GSK3B: variants seen among roughly 807,000 people sequenced by gnomAD.
GSK3B encodes the protein glycogen synthase kinase 3 beta.
In GSK3B, 15 loss-of-function variants were observed where a neutral mutation model predicts 56.4. The ratio of observed to expected loss-of-function variants is 0.27; its 90% confidence interval spans 0.18 to 0.41. The LOEUF is 0.41. Ranked by LOEUF, GSK3B falls within the 10% of genes least tolerant of loss-of-function variation. GSK3B has a pLI of 1.00. For synonymous variants in GSK3B, 181 were observed against 188.9 expected, an observed-to-expected ratio of 0.96 and a Z score of 0.34; for missense variants, 300 against 513.4, an observed-to-expected ratio of 0.58 and a Z score of 4.02.
intron 9 of GSK3B, among the ~76,000 whole-genome samples, chr3:119,845,157 T>C (rs2055838313): frequency 6.6e-6 from 1 of 152,166 alleles, no homozygotes; most frequent in East Asian, 1.9e-4. Context: ...TGATGGAACA[T>C]ATCTCAAAAT....
chr3:119,886,216 T>TA (rs2056434346), intron 7 of GSK3B, among the ~76,000 whole-genome samples: 2 of 151,410 alleles, frequency 1.3e-5, no homozygotes, highest in South Asian at 2.1e-4. Flanking sequence ...ATAACCCCAT[T>TA]AAAAAATGGG....
At chr3:119,952,246 G>A (rs2057164099) in intron 2 of GSK3B, among the ~76,000 whole-genome samples, 1 of 152,106 alleles carries the variant, frequency 6.6e-6, no homozygotes, top group South Asian at 2.1e-4. Flanking sequence ...CCAGCACTTT[G>A]GGAGGCCGAG....
intron 2 of GSK3B, among the ~76,000 whole-genome samples, chr3:119,968,057 G>A (rs1185590802): frequency 1.3e-5 from 2 of 151,956 alleles, no homozygotes; most frequent in African/African-American, 2.4e-5. Flanking sequence ...GGGTTTCACC[G>A]TGTTAGCCAG....
intron 7 of GSK3B, among the ~76,000 whole-genome samples, chr3:119,896,725 A>G (rs1222744260): frequency 6.6e-6 from 1 of 152,188 alleles, no homozygotes; most frequent in Non-Finnish European, 1.5e-5. Context: ...AAAGGAAGCA[A>G]GAATTCCTTA....
intron 6 of GSK3B, among the ~76,000 whole-genome samples, chr3:119,906,781 T>C (rs2056686801): frequency 6.6e-6 from 1 of 152,084 alleles, no homozygotes; most frequent in Non-Finnish European, 1.5e-5. Flanking sequence ...TTGCTGGACT[T>C]TACCACCTAC....
At chr3:119,895,662 A>T (rs1456261709) in intron 7 of GSK3B, among the ~76,000 whole-genome samples, 1 of 152,178 alleles carries the variant, frequency 6.6e-6, no homozygotes, top group Admixed American at 6.6e-5. Context: ...TGTCAAAAAG[A>T]CTATTGTTTC....
At chr3:119,838,162 G>A (rs549622934) in intron 10 of GSK3B, among the ~76,000 whole-genome samples, 1 of 151,638 alleles carries the variant, frequency 6.6e-6, no homozygotes, top group Non-Finnish European at 1.5e-5. Context: ...GGTAGTGCGC[G>A]CCTGTAATCC....
chr3:119,938,908 T>G (rs2057021155), intron 3 of GSK3B, among the ~76,000 whole-genome samples: 4 of 152,022 alleles, frequency 2.6e-5, no homozygotes, highest in Admixed American at 2.6e-4. Flanking sequence ...TCTCAGGCAC[T>G]GGGCTAAGCA....
At chr3:119,866,616 T>C in intron 8 of GSK3B, 2 of 1,604,670 alleles carry the variant, frequency 1.2e-6, no homozygotes, top group South Asian at 2.2e-5. Flanking sequence ...AAATGTCCTG[T>C]TCCTGACGAA....
intron 10 of GSK3B, among the ~76,000 whole-genome samples, chr3:119,838,126 A>G (rs1418934684): frequency 6.6e-6 from 1 of 151,750 alleles, no homozygotes; most frequent in Non-Finnish European, 1.5e-5. Context: ...CGTCTGTACT[A>G]AAATTGCAAA....
chr3:120,008,468 G>A (rs971945541), intron 1 of GSK3B, among the ~76,000 whole-genome samples: 2 of 152,126 alleles, frequency 1.3e-5, no homozygotes, highest in Non-Finnish European at 2.9e-5. Context: ...TTACTACAAG[G>A]CTACAGTAAT....
intron 6 of GSK3B, among the ~76,000 whole-genome samples, chr3:119,910,951 T>C (rs1272440071): frequency 6.6e-6 from 1 of 152,226 alleles, no homozygotes; most frequent in Non-Finnish European, 1.5e-5. Context: ...CAGGCTCCAC[T>C]TCTAATTCTA....
Position 120,021,056 on chromosome 3 carries a change from T to C in GSK3B, c.89-18817A>G, listed in dbSNP as rs1239259517. 2.0e-5 allele frequency among the ~76,000 whole-genome samples: 3 copies of C among 152,258 alleles called. No homozygotes were observed. The South Asian group carries it at 6.2e-4, about 32-fold the overall frequency. On this transcript the variant is annotated intron_variant, in intron 1 of 10. Transcript: ENST00000264235. ...AGCCTTCAAGGAAGGCTGCCAAGTTTGAAGCTAGCAGAGGAAAGATGCCCT... is the reference window on the plus strand; with the variant it reads ...AGCCTTCAAGGAAGGCTGCCAAGTTCGAAGCTAGCAGAGGAAAGATGCCCT...
chr3:120,051,343 G>C (rs1367486582), intron 1 of GSK3B, among the ~76,000 whole-genome samples: 4 of 152,132 alleles, frequency 2.6e-5, no homozygotes, highest in Non-Finnish European at 5.9e-5. Context: ...TCTGTACTAT[G>C]TAGGGAAGCT....
At chr3:120,060,330 G>A (rs978154885) in intron 1 of GSK3B, among the ~76,000 whole-genome samples, 12 of 152,100 alleles carry the variant, frequency 7.9e-5, no homozygotes, top group Non-Finnish European at 1.3e-4. Flanking sequence ...TCTTAAAGAC[G>A]ATACTACATT....
chr3:119,985,721 G>C (rs927025153), intron 2 of GSK3B, among the ~76,000 whole-genome samples: 2 of 152,146 alleles, frequency 1.3e-5, no homozygotes, highest in Non-Finnish European at 2.9e-5. Flanking sequence ...CATGCTCATG[G>C]ATAGGAAAAA....
chr3:119,865,460 ATATATATTTTTT>A (rs1398930561), intron 8 of GSK3B, among the ~76,000 whole-genome samples: 13 of 28,472 alleles, frequency 4.6e-4, no homozygotes, highest in Admixed American at 2.7e-3. Context: ...ATATATATAT[ATATATATTTTTT>A]TTTTTTTTTT....
At chr3:120,075,977 T>A (rs1474774621) in intron 1 of GSK3B, among the ~76,000 whole-genome samples, 1 of 151,792 alleles carries the variant, frequency 6.6e-6, no homozygotes, top group African/African-American at 2.4e-5. Context: ...AAAATTAAAT[T>A]ACAAAGCAAC....
chr3:120,081,963 A>T (rs908403636), intron 1 of GSK3B, among the ~76,000 whole-genome samples: 1 of 152,202 alleles, frequency 6.6e-6, no homozygotes, highest in African/African-American at 2.4e-5. Context: ...TTGAAACAGC[A>T]AGGGGAAATA....
Sources: gnomAD v4.1 joint callset for allele counts (sites outside exome capture counted in the v4.1 genomes callset) on GRCh38, gnomAD v4.1.1 for gene constraint, MANE v1.5 for transcripts, NCBI Gene and HGNC (gene_info 2026-07-23, HGNC 2026-07-21) for gene names.